The following TM9SF3 variants were observed in gnomAD, a reference collection of about 807,000 sequenced individuals.
The protein encoded by TM9SF3 is transmembrane 9 superfamily member 3, also known as SM-11044-binding protein.
A neutral mutation model predicts 78.6 loss-of-function variants in TM9SF3; 14 were observed. The observed-to-expected ratio is 0.18, with a 90% CI of 0.12 to 0.28. The LOEUF is 0.28. Ranked by LOEUF, TM9SF3 falls within the 10% of genes least tolerant of loss-of-function variation. The pLI is 1.00. For missense variants in TM9SF3, 496 were observed against 721.9 expected (o/e 0.69, Z 3.59); for synonymous variants, 231 against 241.7 (o/e 0.96, Z 0.41).
rs1049257505 is a variant in TM9SF3 at position 96,539,462 on chromosome 10, C to T, written c.1185+4614G>A. Among the ~76,000 whole-genome samples, 4 of 152,018 alleles carry T rather than the reference C, an allele frequency of 2.6e-5. No homozygotes were observed. The South Asian group carries it at 6.2e-4, about 24-fold the overall frequency. On this transcript the variant is annotated intron_variant, in intron 9 of 14. Coordinates refer to ENST00000371142, the MANE Select transcript of TM9SF3 (RefSeq NM_020123.4). ...TATGAGCTACCATTTAAAGGAAATT[C>T]GGTAATGAAAATTACACTATGATAA...
chr10:96,586,704 G>C, intron 1 of TM9SF3, 30 bp downstream of exon 1: 1 of 1,220,210 alleles, frequency 8.2e-7, no homozygotes. Context: ...GAGCTAGCCC[G>C]GGGCGGCCGC....
intron 12 of TM9SF3, 91 bp from the exon 13 acceptor site, chr10:96,527,587 C>T: frequency 1.0e-6 from 1 of 965,450 alleles, no homozygotes; most frequent in Non-Finnish European, 1.5e-6. Context: ...ATAAAACATC[C>T]TTTAAAGTCC....
intron 14 of TM9SF3, among the ~76,000 whole-genome samples, chr10:96,526,836 C>A (rs1227495209): frequency 6.6e-6 from 1 of 152,046 alleles, no homozygotes; most frequent in East Asian, 1.9e-4. Flanking sequence ...TCATGATCTT[C>A]CATTGAACCT....
intron 3 of TM9SF3, 78 bp from the exon 4 acceptor site, chr10:96,562,216 GTTTTT>G (rs34868868): frequency 8.6e-4 from 482 of 560,334 alleles, no homozygotes; most frequent in East Asian, 1.4e-3. Flanking sequence ...TGCTCATTAA[GTTTTT>G]TTTTTTTTTT....
At chr10:96,577,118 T>C (rs548582414) in intron 1 of TM9SF3, among the ~76,000 whole-genome samples, 2 of 152,198 alleles carry the variant, frequency 1.3e-5, no homozygotes, top group South Asian at 4.1e-4. Context: ...AGAGTGTGTC[T>C]ATTATTTACA....
At chr10:96,565,480 T>TA (rs878904501) in intron 2 of TM9SF3, 54 bp from the exon 3 acceptor site, 76,299 of 1,125,950 alleles carry the variant, frequency 0.068, 11 homozygotes, top group Non-Finnish European at 0.074. Flanking sequence ...ATAGTTACAT[T>TA]AAAAAAAAAA....
At position 96,547,884 on chromosome 10, in the gene TM9SF3, T is replaced by C; in HGVS notation, c.1054+11A>G. On this transcript the variant is annotated intron_variant, in intron 8 of 14. Transcript: ENST00000371142. The stretch of plus-strand genomic sequence containing the variant: ...ATAATTAACAACATGAAGTGAGAAT[T>C]CGTAAGTTACCTCCTTGTCTAGCAT... The C allele has an allele frequency of 1.9e-6, 3 of 1,592,452 alleles. No individual in the cohort carries two copies. The highest frequency in any genetic ancestry group is 2.6e-6 in the Non-Finnish European group (3 of 1,168,408).
At chr10:96,550,592 T>G (rs966936958) in intron 7 of TM9SF3, among the ~76,000 whole-genome samples, 1 of 152,306 alleles carries the variant, frequency 6.6e-6, no homozygotes, top group African/African-American at 2.4e-5. Flanking sequence ...GTGGCTTTCT[T>G]GAGCACTGAA....
At chr10:96,544,519 T>C (rs1406308092) in intron 8 of TM9SF3, among the ~76,000 whole-genome samples, 2 of 152,132 alleles carry the variant, frequency 1.3e-5, no homozygotes, top group Non-Finnish European at 2.9e-5. Flanking sequence ...GGGTTTTTAT[T>C]ACTGGTTTAA....
At chr10:96,554,663 G>C (rs1340125824) in intron 5 of TM9SF3, among the ~76,000 whole-genome samples, 2 of 151,778 alleles carry the variant, frequency 1.3e-5, no homozygotes, top group African/African-American at 2.4e-5. Flanking sequence ...TAACACCCTC[G>C]CCCCCACCTC....
intron 11 of TM9SF3, among the ~76,000 whole-genome samples, chr10:96,529,129 G>A (rs186792337): frequency 3.9e-5 from 6 of 152,104 alleles, no homozygotes; most frequent in Non-Finnish European, 2.9e-5. Flanking sequence ...TCTGAATAAA[G>A]GCACAAAGCA....
Position 96,559,607 on chromosome 10 carries a change from T to C in TM9SF3, c.660+52A>G, listed in dbSNP as rs375902497. The C allele has an allele frequency of 4.0e-4, 512 of 1,292,056 alleles. 5 individuals carry two copies. The African/African-American group carries it at 7.0e-3, about 18-fold the overall frequency. The allele number at this position is 1,292,056 out of a possible 1,614,324, so 80.0% of individuals were successfully genotyped here. ...GCAAATGACAGATACTCAATGTTTG[T>C]TGAACGAATTGGTGCACATAATCAA... On this transcript the variant is annotated intron_variant, in intron 5 of 14. Transcript: ENST00000371142.
At chr10:96,578,681 C>G in intron 1 of TM9SF3, among the ~76,000 whole-genome samples, 1 of 152,202 alleles carries the variant, frequency 6.6e-6, no homozygotes, top group East Asian at 1.9e-4. Context: ...ACTAATCAAC[C>G]AAGTTACTCC....
In TM9SF3 at chr10:96,530,455, C is replaced by T. The variant is rs1847882513; in HGVS notation, c.1394+85G>A. The T allele has an allele frequency of 8.1e-6, 9 of 1,104,334 alleles. No homozygotes were observed. The South Asian group carries it at 1.2e-4, about 15-fold the overall frequency. 68.4% of individuals were successfully genotyped at this position (1,104,334 alleles called of 1,614,324 possible). On this transcript the variant is annotated intron_variant, in intron 11 of 14. Coordinates refer to ENST00000371142, the MANE Select transcript of TM9SF3 (RefSeq NM_020123.4). ...AACAGATTATTAGATGTTCTCCCAACTGATAACTTTACATGTTCCCTAACT... is the reference window on the plus strand; with the variant it reads ...AACAGATTATTAGATGTTCTCCCAATTGATAACTTTACATGTTCCCTAACT...
In TM9SF3 at chr10:96,565,327, T is replaced by A; in HGVS notation, c.398A>T (p.Tyr133Phe). 1 of 1,561,034 alleles carries A rather than the reference T, an allele frequency of 6.4e-7. No homozygotes were observed. Among genetic ancestry groups the A allele is most frequent in the Non-Finnish European group, 8.6e-7 (1 of 1,164,606 alleles). Residue 133 changes from tyrosine (Y) to phenylalanine (F), a missense_variant, in exon 3 of 15, where the codon TAC becomes TTC. This residue lies in a region of TM9SF3 where 155 missense variants were observed against 241.6 expected (regional missense o/e 0.64). Transcript: ENST00000371142. ...AIKNHYWYQM[Y>F]IDDLPIWGIV... ...ACCCCATATTGGTAAATCATCTATG[T>A]ACATCTGGTACCAGTAATGATTTTT... is the stretch of plus-strand genomic sequence containing the variant.
chr10:96,559,191 C>T (rs1214943546), intron 5 of TM9SF3, among the ~76,000 whole-genome samples: 3 of 152,158 alleles, frequency 2.0e-5, no homozygotes. Context: ...TTCTTTCTCA[C>T]ACCGTAAGTT....
At position 96,586,780 on chromosome 10, in the gene TM9SF3, A is replaced by AGCAGCC; in HGVS notation, c.50_55dup (p.Leu18_Leu19insArgLeu). 7.8e-7 allele frequency: 1 copy of AGCAGCC among 1,288,384 alleles called. No individual in the cohort carries two copies. Among genetic ancestry groups the AGCAGCC allele is most frequent in the East Asian group, 3.2e-5 (1 of 31,098 alleles). 79.8% of individuals were successfully genotyped at this position (1,288,384 alleles called of 1,614,324 possible). A position where few individuals can be genotyped will look rare whatever the true frequency, so the allele number is the denominator to read the frequency against. ...CCGGGTCCGGGGCAGCAGCAGCAGC[A>AGCAGCC]GCAGCCACAGCGCGGCGGCCGCCGC... On this transcript the variant is annotated inframe_insertion, in exon 1 of 15. Transcript: ENST00000371142.
chr10:96,570,873 G>A (rs1326826553), intron 2 of TM9SF3, among the ~76,000 whole-genome samples: 1 of 152,044 alleles, frequency 6.6e-6, no homozygotes, highest in African/African-American at 2.4e-5. Context: ...GGCTTCCCGG[G>A]TAGCTGGGAT....
intron 1 of TM9SF3, among the ~76,000 whole-genome samples, chr10:96,583,263 A>G (rs1390172113): frequency 6.6e-6 from 1 of 152,206 alleles, no homozygotes. Context: ...GACCCAGTAC[A>G]GAAAAATACA....
Sources: gnomAD v4.1 joint callset for allele counts (sites outside exome capture counted in the v4.1 genomes callset) on GRCh38, gnomAD v4.1.1 for gene constraint, gnomAD v4.1.1 regional missense constraint, MANE v1.5 for transcripts, NCBI Gene and HGNC (gene_info 2026-07-23, HGNC 2026-07-21) for gene names.